The following DLGAP2 variants were observed in gnomAD, a reference collection of about 807,000 sequenced individuals.
The protein encoded by DLGAP2 is disks large-associated protein 2.
A neutral mutation model predicts 100.3 loss-of-function variants in DLGAP2; 26 were observed. The observed-to-expected ratio is 0.26, with a 90% confidence interval of 0.19 to 0.36. DLGAP2 has a LOEUF of 0.36. Among genes scored for constraint, DLGAP2 ranks in the 10% least tolerant of loss-of-function variants. DLGAP2 has a pLI of 1.00. For synonymous variants in DLGAP2, 886 were observed against 630.1 expected (o/e 1.41, Z -6.08); for missense variants, 1,858 against 1,453.2 (o/e 1.28, Z -4.53).
intron 1 of DLGAP2, among the ~76,000 whole-genome samples, chr8:821,506 G>A (rs987017091): frequency 4.6e-5 from 7 of 152,148 alleles, no homozygotes; most frequent in Admixed American, 3.9e-4. Context: ...AATGAGCTGG[G>A]AATTTTGTAA....
At chr8:1,122,180 G>A (rs1053219036) in intron 2 of DLGAP2, among the ~76,000 whole-genome samples, 1 of 152,176 alleles carries the variant, frequency 6.6e-6, no homozygotes, top group East Asian at 1.9e-4. Context: ...GGATCATTCG[G>A]TTCCACAGCA....
intron 1 of DLGAP2, among the ~76,000 whole-genome samples, chr8:869,829 C>T (rs922651463): frequency 3.9e-5 from 6 of 152,004 alleles, no homozygotes; most frequent in Admixed American, 3.3e-4. Context: ...ATGGGCACCC[C>T]GGCAGCGGGA....
At chr8:1,083,379 C>A (rs1168116471) in intron 2 of DLGAP2, among the ~76,000 whole-genome samples, 1 of 152,192 alleles carries the variant, frequency 6.6e-6, no homozygotes, top group African/African-American at 2.4e-5. Flanking sequence ...TAGCCATTCT[C>A]TGTTTCTAAA....
At chr8:1,699,796 C>A (rs530930126) in intron 14 of DLGAP2, among the ~76,000 whole-genome samples, 1 of 152,290 alleles carries the variant, frequency 6.6e-6, no homozygotes, top group South Asian at 2.1e-4. Flanking sequence ...GCTGGACACT[C>A]CTACAGTGCC....
chr8:892,220 C>T (rs1247594983), intron 1 of DLGAP2, among the ~76,000 whole-genome samples: 1 of 152,200 alleles, frequency 6.6e-6, no homozygotes, highest in Non-Finnish European at 1.5e-5. Context: ...AAATGATAGA[C>T]AGCGGGGTCT....
intron 5 of DLGAP2, among the ~76,000 whole-genome samples, chr8:1,553,523 C>T (rs1275696711): frequency 1.3e-4 from 2 of 15,998 alleles, no homozygotes; most frequent in East Asian, 5.8e-3. Context: ...TTGGGTTTTA[C>T]CTGTCAGGCT....
rs868368029 is a variant in DLGAP2 at position 934,881 on chromosome 8, C to A, written c.73+26915C>A. On this transcript the variant is annotated intron_variant, in intron 2 of 14. Transcript: ENST00000637795. ...ACAGAAGGAAAGAGTGATTTGCTGT[C>A]CAAAGATAGAGCTTTCCCTCAGCTC... Among the ~76,000 whole-genome samples, 28 of 152,216 alleles carry A rather than the reference C, an allele frequency of 1.8e-4. No individual in the cohort carries two copies. In the Middle Eastern group the frequency reaches 0.02, roughly 111 times the overall value.
chr8:985,965 G>A (rs889322505), intron 2 of DLGAP2, among the ~76,000 whole-genome samples: 13 of 152,212 alleles, frequency 8.5e-5, no homozygotes, highest in Non-Finnish European at 1.6e-4. Context: ...TCCTGAAGAA[G>A]ATGCTCATTA....
intron 2 of DLGAP2, among the ~76,000 whole-genome samples, chr8:1,143,482 A>C (rs1411694551): frequency 6.6e-6 from 1 of 152,152 alleles, no homozygotes; most frequent in Non-Finnish European, 1.5e-5. Flanking sequence ...TTGTGATAGC[A>C]CTATGTTTCA....
At chr8:1,186,606 G>A (rs1218546388) in intron 2 of DLGAP2, among the ~76,000 whole-genome samples, 3 of 152,142 alleles carry the variant, frequency 2.0e-5, no homozygotes, top group Non-Finnish European at 4.4e-5. Context: ...GGGGTGCGGT[G>A]TCTTCTGAGC....
intron 10 of DLGAP2, among the ~76,000 whole-genome samples, chr8:1,672,617 G>A (rs1330852753): frequency 2.0e-5 from 3 of 152,220 alleles, no homozygotes; most frequent in Non-Finnish European, 4.4e-5. Flanking sequence ...CATTCTGAAT[G>A]TCCTGCCTGT....
chr8:1,104,899 C>T (rs1014467791), intron 2 of DLGAP2: 5 of 152,324 alleles, frequency 3.3e-5, no homozygotes, highest in Non-Finnish European at 5.9e-5. Context: ...TGAAGAGCAC[C>T]GGCAGCTTCC....
chr8:1,152,698 T>C (rs1052709738), intron 2 of DLGAP2, among the ~76,000 whole-genome samples: 13 of 152,218 alleles, frequency 8.5e-5, no homozygotes, highest in Non-Finnish European at 1.8e-4. Flanking sequence ...CTTCCACCTC[T>C]TGGCATCATC....
rs1358230393 is a variant in DLGAP2, at chr8:1,407,413, C to T, written c.107-93953C>T. Among the ~76,000 whole-genome samples the T allele has an allele frequency of 1.8e-4, 21 of 118,616 alleles. 2 individuals are homozygous for T. Among genetic ancestry groups the T allele is most frequent in the East Asian group, 3.6e-4 (1 of 2,790 alleles). The allele number at this position is 118,616 out of a possible 152,430, so 77.8% of individuals were successfully genotyped here. On this transcript the variant is annotated intron_variant, in intron 3 of 14. Transcript: ENST00000637795. ...CCTGTATTGAGTGCTTACTGAGCGC[C>T]ACCTCCTTGTCCTCCAGAGTCGTGT...
At chr8:1,255,616 TG>T (rs1462586709) in intron 2 of DLGAP2, among the ~76,000 whole-genome samples, 1 of 131,734 alleles carries the variant, frequency 7.6e-6, no homozygotes, top group Admixed American at 7.4e-5. Flanking sequence ...CTCTCTTGCC[TG>T]GGTGCTGTGT....
chr8:1,464,316 AACG>A (rs1798554365), intron 3 of DLGAP2, among the ~76,000 whole-genome samples: 1 of 52,586 alleles, frequency 1.9e-5, no homozygotes. Flanking sequence ...CTTCCAGGAC[AACG>A]CCCTTCCAGG....
At chr8:758,343 G>A (rs1371617320) in intron 1 of DLGAP2, among the ~76,000 whole-genome samples, 2 of 152,086 alleles carry the variant, frequency 1.3e-5, no homozygotes, top group Non-Finnish European at 2.9e-5. Context: ...GGGTTACCTC[G>A]TTTCCCTGTT....
At chr8:1,501,883 C>T (rs1156355786) in intron 4 of DLGAP2, among the ~76,000 whole-genome samples, 1 of 152,176 alleles carries the variant, frequency 6.6e-6, no homozygotes, top group Admixed American at 6.5e-5. Context: ...TCCAAGGGCC[C>T]TGCGAGAGGC....
At chr8:1,143,564 C>T (rs1419990603) in intron 2 of DLGAP2, among the ~76,000 whole-genome samples, 1 of 152,186 alleles carries the variant, frequency 6.6e-6, no homozygotes, top group African/African-American at 2.4e-5. Context: ...GGTCAGCGCT[C>T]AGGACTCAGC....
Sources: allele counts gnomAD v4.1 joint callset (sites outside exome capture counted in the v4.1 genomes callset), GRCh38; gene constraint gnomAD v4.1.1; transcripts MANE v1.5; gene names NCBI Gene and HGNC (gene_info 2026-07-23, HGNC 2026-07-21).